TCF4: variants seen among roughly 807,000 people sequenced by gnomAD.
The protein encoded by TCF4 is SL3-3 enhancer factor 2.
In TCF4, 3 loss-of-function variants were observed where a neutral mutation model predicts 82.1. That is an observed-to-expected ratio of 0.04 (90% CI 0.02 to 0.09). TCF4 has a LOEUF of 0.09. TCF4 is among the 10% of genes least tolerant of loss of function. The pLI is 1.00. For missense variants in TCF4, 518 were observed against 852.7 expected, an observed-to-expected ratio of 0.61 and a Z score of 4.89; for synonymous variants, 276 against 309.6, an observed-to-expected ratio of 0.89 and a Z score of 1.14.
chr18:55,514,439 A>ACC (rs1171541787), intron 3 of TCF4, among the ~76,000 whole-genome samples: 1 of 147,814 alleles, frequency 6.8e-6, no homozygotes, highest in African/African-American at 2.5e-5. Context: ...ACACACACAC[A>ACC]CACACACCCC....
chr18:55,350,376 G>C lies in TCF4; in HGVS notation c.532C>G (p.Pro178Ala). 6.2e-7 allele frequency: 1 copy of C among 1,613,652 alleles called. No individual in the cohort carries two copies. Among genetic ancestry groups the C allele is most frequent in the East Asian group, 2.2e-5 (1 of 44,852 alleles). Reference sequence around the variant, plus strand: ...GTACTTACTGAAGATGGCAAACCTGGAGGAACTTTTCGAACTTTCTTTGTC... The same window carrying C: ...GTACTTACTGAAGATGGCAAACCTGCAGGAACTTTTCGAACTTTCTTTGTC... ...VQTKKVRKVP[P>A]GLPSSVYAPS... The change falls in exon 8 of 20, where the codon CCA becomes GCA. Residue 178 changes from proline (P) to alanine (A), a missense_variant. Pro to Ala is a conservative substitution (Grantham distance 27). Around this residue, in one of 7 missense-constraint regions of TCF4, gnomAD observed 211 missense variants for 327.4 expected, o/e 0.64. Coordinates refer to ENST00000354452, the MANE Select transcript of TCF4 (RefSeq NM_001083962.2).
intron 8 of TCF4, among the ~76,000 whole-genome samples, chr18:55,346,256 A>G (rs1311696234): frequency 6.6e-6 from 1 of 152,134 alleles, no homozygotes; most frequent in Non-Finnish European, 1.5e-5. Flanking sequence ...GGTGAACCTA[A>G]TATCTAATAC....
chr18:55,404,806 C>T (rs1460465635), intron 5 of TCF4, among the ~76,000 whole-genome samples: 1 of 152,200 alleles, frequency 6.6e-6, no homozygotes, highest in Non-Finnish European at 1.5e-5. Flanking sequence ...CAAGTCATTA[C>T]ATATATAAAA....
chr18:55,551,381 C>T (rs931307754), intron 3 of TCF4: 2 of 152,220 alleles, frequency 1.3e-5, no homozygotes, highest in East Asian at 1.9e-4. Context: ...ATTTACTCCT[C>T]GCAAATCCAT....
At chr18:55,456,155 G>A (rs2095749032) in intron 5 of TCF4, among the ~76,000 whole-genome samples, 1 of 152,212 alleles carries the variant, frequency 6.6e-6, no homozygotes, top group Non-Finnish European at 1.5e-5. Flanking sequence ...TGAGCTAGCA[G>A]CTGTCACAAT....
intron 16 of TCF4, among the ~76,000 whole-genome samples, chr18:55,233,999 A>C (rs999967585): frequency 2.6e-5 from 4 of 151,962 alleles, no homozygotes; most frequent in African/African-American, 7.3e-5. Context: ...AGAAGATGTT[A>C]TCTAAGCGAC....
intron 3 of TCF4, among the ~76,000 whole-genome samples, chr18:55,488,161 G>A (rs1443867617): frequency 1.3e-5 from 2 of 152,138 alleles, no homozygotes; most frequent in Non-Finnish European, 2.9e-5. Context: ...TTCAGTTGTG[G>A]TCATGAAAAT....
At chr18:55,487,332 T>C (rs927104419) in intron 3 of TCF4, among the ~76,000 whole-genome samples, 1 of 152,198 alleles carries the variant, frequency 6.6e-6, no homozygotes, top group African/African-American at 2.4e-5. Flanking sequence ...TACATACATA[T>C]ATTTATATTT....
At chr18:55,618,251 GATCT>G (rs1333858033) in intron 2 of TCF4, among the ~76,000 whole-genome samples, 1 of 152,090 alleles carries the variant, frequency 6.6e-6, no homozygotes, top group Non-Finnish European at 1.5e-5. Context: ...TTCTTAGTGT[GATCT>G]ATCACATTAA....
chr18:55,574,338 T>C (rs1451873117), intron 3 of TCF4, among the ~76,000 whole-genome samples: 1 of 152,194 alleles, frequency 6.6e-6, no homozygotes, highest in Non-Finnish European at 1.5e-5. Flanking sequence ...TTTTATTTTA[T>C]TTTTGAGACA....
chr18:55,627,856 C>T (rs2097728062), intron 2 of TCF4, among the ~76,000 whole-genome samples: 1 of 151,978 alleles, frequency 6.6e-6, no homozygotes, highest in Non-Finnish European at 1.5e-5. Context: ...GTTAGGAGAT[C>T]GATACCATCC....
At chr18:55,297,564 C>A (rs1376157086) in intron 8 of TCF4, among the ~76,000 whole-genome samples, 2 of 152,060 alleles carry the variant, frequency 1.3e-5, no homozygotes, top group Non-Finnish European at 2.9e-5. Flanking sequence ...GTAGTTAGCT[C>A]CTCTCCAAGA....
chr18:55,633,172 G>C lies in TCF4; in HGVS notation c.196-1784C>G, dbSNP rs901336669. 6.6e-6 allele frequency among the ~76,000 whole-genome samples: 1 copy of C among 152,178 alleles called. No homozygotes were observed. Among genetic ancestry groups the C allele is most frequent in the African/African-American group, 2.4e-5 (1 of 41,444 alleles). On this transcript the variant is annotated intron_variant, in intron 1 of 20. Coordinates refer to the TCF4 transcript ENST00000398339. This position sits in a 1 kb window ranked among gnomAD's most constrained non-coding sequence, Gnocchi z 4.0. ...GCTTAGCCAGATAGTTCTGGCTTAC[G>C]GTCTGTTCTGAGGTTTGAGCCAAGA...
chr18:55,606,138 A>T (rs1049208967), intron 2 of TCF4, among the ~76,000 whole-genome samples: 3 of 152,320 alleles, frequency 2.0e-5, no homozygotes, highest in Admixed American at 1.3e-4. Context: ...CTAATACAGT[A>T]TGAGATTCAA....
chr18:55,529,110 G>T (rs1292211733), intron 3 of TCF4, among the ~76,000 whole-genome samples: 1 of 152,178 alleles, frequency 6.6e-6, no homozygotes, highest in Non-Finnish European at 1.5e-5. Flanking sequence ...CCCAGGAGGT[G>T]GAGGTTGCAG....
At chr18:55,322,383 T>C (rs2075798719) in intron 8 of TCF4, 1 of 969,176 alleles carries the variant, frequency 1.0e-6, no homozygotes. Context: ...CGCAGCTGCC[T>C]GAGAACTCGA....
chr18:55,330,457 T>C (rs1038795393), intron 8 of TCF4, among the ~76,000 whole-genome samples: 9 of 148,738 alleles, frequency 6.1e-5, no homozygotes, highest in Non-Finnish European at 1.2e-4. Flanking sequence ...GGATTACAAG[T>C]GTTAGCCACC....
intron 5 of TCF4, among the ~76,000 whole-genome samples, chr18:55,441,535 T>C (rs533483424): frequency 3.3e-5 from 5 of 152,228 alleles, no homozygotes; most frequent in Non-Finnish European, 7.3e-5. Context: ...CCCACTACAA[T>C]TTTTGTAACC....
chr18:55,254,828 C>A (rs926288705), intron 14 of TCF4, 128 bp from the exon 15 acceptor site: 26 of 871,710 alleles, frequency 3.0e-5, no homozygotes, highest in Non-Finnish European at 4.6e-5. Flanking sequence ...AAATGTATTT[C>A]CTTAAAACAA....
Sources: allele counts gnomAD v4.1 joint callset (sites outside exome capture counted in the v4.1 genomes callset), GRCh38; gene constraint gnomAD v4.1.1; regional missense constraint gnomAD v4.1.1; non-coding constraint Gnocchi (gnomAD v3.1); transcripts MANE v1.5; gene names NCBI Gene and HGNC (gene_info 2026-07-23, HGNC 2026-07-21).